Variants in COL5A2 observed in about 807,000 individuals in gnomAD.
COL5A2 encodes the protein collagen alpha-2(V) chain.
A neutral mutation model predicts 208.2 loss-of-function variants in COL5A2; 23 were observed. That is an observed-to-expected ratio of 0.11 (90% CI 0.08 to 0.16). The LOEUF is 0.16. COL5A2 is among the 10% of genes least tolerant of loss of function. The probability of loss-of-function intolerance (pLI) is 1.00; values close to 1 mark genes in which losing one functional copy is unlikely to be tolerated. For synonymous variants in COL5A2, 625 were observed against 628.5 expected, an observed-to-expected ratio of 0.99 and a Z score of 0.08; for missense variants, 1,590 against 1,956.4, an observed-to-expected ratio of 0.81 and a Z score of 3.53.
chr2:189,241,644 C>T, the COL5A2 span, among the ~76,000 whole-genome samples: 2 of 152,150 alleles, frequency 1.3e-5, no homozygotes, highest in Admixed American at 6.6e-5. Context: ...CATGATCACA[C>T]CCCTGTACTC....
At chr2:189,057,585 T>C (rs1414262582) in intron 33 of COL5A2, among the ~76,000 whole-genome samples, 158 bp from the exon 34 acceptor site, 2 of 152,212 alleles carry the variant, frequency 1.3e-5, no homozygotes, top group Non-Finnish European at 2.9e-5. Context: ...AGTGAGTTGA[T>C]ATTTTGAAAT....
intron 1 of COL5A2, among the ~76,000 whole-genome samples, chr2:189,220,150 C>G (rs1384625050): frequency 6.6e-6 from 1 of 152,102 alleles, no homozygotes; most frequent in Non-Finnish European, 1.5e-5. Flanking sequence ...TGAGGCCCAC[C>G]CTGAAGGGGC....
chr2:189,047,505 A>G (rs1265283461), intron 45 of COL5A2, among the ~76,000 whole-genome samples: 1 of 152,236 alleles, frequency 6.6e-6, no homozygotes, highest in Non-Finnish European at 1.5e-5. Context: ...TGTATTAATT[A>G]TATTTAAAGC....
At chr2:189,412,289 G>A in the COL5A2 span, among the ~76,000 whole-genome samples, 1 of 151,948 alleles carries the variant, frequency 6.6e-6, no homozygotes, top group Non-Finnish European at 1.5e-5. Flanking sequence ...GTGAGAAAGA[G>A]GAATATAATT....
At chr2:189,408,868 T>G in the COL5A2 span, among the ~76,000 whole-genome samples, 1 of 152,324 alleles carries the variant, frequency 6.6e-6, no homozygotes, top group African/African-American at 2.4e-5. Flanking sequence ...TTAATTCAAC[T>G]GGTCCTCTTG....
chr2:189,173,217 G>T (rs1034540827), intron 1 of COL5A2, among the ~76,000 whole-genome samples: 1 of 151,714 alleles, frequency 6.6e-6, no homozygotes, highest in Non-Finnish European at 1.5e-5. Flanking sequence ...CAGGTGATCC[G>T]CCCACCTCAG....
chr2:189,145,164 G>A (rs763990187), intron 1 of COL5A2, among the ~76,000 whole-genome samples: 4 of 152,224 alleles, frequency 2.6e-5, no homozygotes, highest in African/African-American at 4.8e-5. Context: ...CTGAGTAAGC[G>A]GGATGTGAGA....
chr2:189,324,910 A>T, the COL5A2 span, among the ~76,000 whole-genome samples: 1 of 152,218 alleles, frequency 6.6e-6, no homozygotes, highest in Non-Finnish European at 1.5e-5. Flanking sequence ...AAGACTTGGA[A>T]CCAACCCAAA....
At chr2:189,080,499 TTAGA>T (rs771730488) in intron 13 of COL5A2, among the ~76,000 whole-genome samples, 15 of 148,854 alleles carry the variant, frequency 1.0e-4, no homozygotes, top group Middle Eastern at 3.6e-3. Context: ...ATTATGATAG[TTAGA>T]TAGATGATAG....
chr2:189,086,151 C>T (rs1686655929), intron 9 of COL5A2, among the ~76,000 whole-genome samples: 1 of 152,138 alleles, frequency 6.6e-6, no homozygotes, highest in Admixed American at 6.5e-5. Context: ...ATGACAATGA[C>T]AATGTGGTAA....
chr2:189,431,396 C>T, the COL5A2 span, among the ~76,000 whole-genome samples: 4 of 151,998 alleles, frequency 2.6e-5, no homozygotes, highest in African/African-American at 4.8e-5. Flanking sequence ...CACACTTCTC[C>T]GATCTAAAAG....
intron 1 of COL5A2, among the ~76,000 whole-genome samples, chr2:189,189,802 T>C (rs1370255572): frequency 6.6e-6 from 1 of 152,150 alleles, no homozygotes; most frequent in African/African-American, 2.4e-5. Flanking sequence ...CCACAGCAAT[T>C]GAAGTCTTAA....
the COL5A2 span, among the ~76,000 whole-genome samples, chr2:189,412,651 A>G: frequency 6.6e-6 from 1 of 152,204 alleles, no homozygotes; most frequent in Non-Finnish European, 1.5e-5. Flanking sequence ...GTATGAAAAT[A>G]CCATTAAAAA....
intron 1 of COL5A2, among the ~76,000 whole-genome samples, chr2:189,161,349 T>C (rs978255881): frequency 6.6e-6 from 1 of 152,136 alleles, no homozygotes; most frequent in African/African-American, 2.4e-5. Context: ...ATTCCTTAAA[T>C]ACAAGATAAT....
the COL5A2 span, among the ~76,000 whole-genome samples, chr2:189,282,578 A>T: frequency 6.6e-6 from 1 of 152,224 alleles, no homozygotes; most frequent in South Asian, 2.1e-4. Context: ...TTAGGCAGAG[A>T]GGCTAACAGA....
chr2:189,093,655 C>T (rs755719186), intron 6 of COL5A2, among the ~76,000 whole-genome samples: 33 of 152,186 alleles, frequency 2.2e-4, no homozygotes, highest in Admixed American at 1.0e-3. Context: ...GAATACTTAG[C>T]CTGAAAAACT....
intron 29 of COL5A2, among the ~76,000 whole-genome samples, chr2:189,062,155 C>A (rs573617720): frequency 6.7e-6 from 1 of 149,056 alleles, no homozygotes; most frequent in African/African-American, 2.5e-5. Flanking sequence ...AGTATTATTC[C>A]TTTTATGTCC....
intron 51 of COL5A2, among the ~76,000 whole-genome samples, chr2:189,038,294 T>A (rs565230292): frequency 6.6e-6 from 1 of 152,350 alleles, no homozygotes; most frequent in South Asian, 2.1e-4. Flanking sequence ...TGGTTTTCTG[T>A]TCCTGTATTA....
At chr2:189,086,666 T>A (rs1269495197) in intron 9 of COL5A2, 60 bp downstream of exon 9, 2 of 1,322,226 alleles carry the variant, frequency 1.5e-6, no homozygotes, top group East Asian at 2.5e-5. Flanking sequence ...AGACCTTATG[T>A]AATATATGTG....
Sources: allele counts gnomAD v4.1 joint callset (sites outside exome capture counted in the v4.1 genomes callset), GRCh38; gene constraint gnomAD v4.1.1; transcripts MANE v1.5; gene names NCBI Gene and HGNC (gene_info 2026-07-23, HGNC 2026-07-21).